The following RBM20 variants were observed in gnomAD, a reference collection of about 807,000 sequenced individuals.
RBM20 encodes the protein RNA binding motif protein 20, also known as RNA-binding protein 20.
In RBM20, 51 loss-of-function variants were observed where a neutral mutation model predicts 110.1. That is an observed-to-expected ratio of 0.46 (90% CI 0.37 to 0.59). The LOEUF (loss-of-function observed/expected upper bound fraction) is 0.59. Ranked by LOEUF, RBM20 falls within the 20% of genes least tolerant of loss-of-function variation. RBM20 has a pLI of 0.00. For synonymous variants in RBM20, 589 were observed against 618.2 expected (o/e 0.95, Z 0.70); for missense variants, 1,512 against 1,574.9 (o/e 0.96, Z 0.68).
chr10:110,779,864 G>T (rs1479268938), intron 1 of RBM20, among the ~76,000 whole-genome samples: 2 of 152,230 alleles, frequency 1.3e-5, no homozygotes, highest in Non-Finnish European at 2.9e-5. Flanking sequence ...GATGTGAAAT[G>T]AGGACAAGGA....
intron 1 of RBM20, among the ~76,000 whole-genome samples, chr10:110,692,438 G>GAA (rs1862599516): frequency 2.6e-5 from 4 of 152,202 alleles, no homozygotes; most frequent in Admixed American, 2.6e-4. Context: ...GCAATGCTTT[G>GAA]TAGTTTTCAG....
intron 1 of RBM20, among the ~76,000 whole-genome samples, chr10:110,703,312 A>T (rs994467302): frequency 4.0e-5 from 6 of 151,700 alleles, no homozygotes; most frequent in Admixed American, 2.0e-4. Context: ...CAGGAGGCGG[A>T]GGTTGCAGTG....
chr10:110,837,938 T>C lies in RBM20; in HGVS notation c.*1960T>C, dbSNP rs1403877577. On this transcript the variant is annotated 3_prime_UTR_variant, in exon 14 of 14. Coordinates refer to ENST00000369519, the MANE Select transcript of RBM20 (RefSeq NM_001134363.3). Reference sequence around the variant, plus strand: ...GTTGGTTTGGACTGAGCTCCTGCAATAGGCCCAACAGACCAAAACAAAAGG... The same window carrying C: ...GTTGGTTTGGACTGAGCTCCTGCAACAGGCCCAACAGACCAAAACAAAAGG... 4 of 152,070 alleles carry C rather than the reference T, an allele frequency of 2.6e-5. No homozygotes were observed. Among genetic ancestry groups the C allele is most frequent in the African/African-American group, 9.7e-5 (4 of 41,372 alleles). The allele number at this position is 152,070 out of a possible 1,614,324, so 9.4% of individuals were successfully genotyped here. A position where few individuals can be genotyped will look rare whatever the true frequency, so the allele number is the denominator to read the frequency against.
intron 1 of RBM20, among the ~76,000 whole-genome samples, chr10:110,647,792 GTTAT>G (rs1488202186): frequency 6.6e-6 from 1 of 152,126 alleles, no homozygotes; most frequent in Non-Finnish European, 1.5e-5. Flanking sequence ...TTTATAAGAA[GTTAT>G]TTATTAACCT....
intron 1 of RBM20, 61 bp from the exon 2 acceptor site, chr10:110,780,740 A>G (rs1736256308): frequency 2.1e-5 from 30 of 1,457,426 alleles, no homozygotes; most frequent in Non-Finnish European, 2.7e-5. Context: ...ATAACAAAGA[A>G]CAGCCCCTTG....
At chr10:110,716,895 T>C (rs1228939676) in intron 1 of RBM20, among the ~76,000 whole-genome samples, 2 of 144,948 alleles carry the variant, frequency 1.4e-5, no homozygotes, top group Admixed American at 1.4e-4. Flanking sequence ...CCCGCCTCAG[T>C]GACACAACTC....
intron 7 of RBM20, among the ~76,000 whole-genome samples, chr10:110,801,971 A>G (rs1461260468): frequency 3.3e-5 from 5 of 152,050 alleles, no homozygotes; most frequent in Non-Finnish European, 5.9e-5. Flanking sequence ...TCATCTGCCC[A>G]TGCTTTTCTT....
At chr10:110,690,129 G>C (rs1451989375) in intron 1 of RBM20, among the ~76,000 whole-genome samples, 3 of 152,094 alleles carry the variant, frequency 2.0e-5, no homozygotes, top group African/African-American at 7.2e-5. Context: ...AATTTGACTA[G>C]GCATGGTGGC....
At chr10:110,743,036 C>T (rs145914250) in intron 1 of RBM20, among the ~76,000 whole-genome samples, 114 of 152,348 alleles carry the variant, frequency 7.5e-4, no homozygotes, top group African/African-American at 2.5e-3. Flanking sequence ...TGGCACGAGC[C>T]ATCACTCTCA....
At chr10:110,761,798 G>A (rs967347662) in intron 1 of RBM20, among the ~76,000 whole-genome samples, 8 of 152,218 alleles carry the variant, frequency 5.3e-5, no homozygotes, top group African/African-American at 1.2e-4. Flanking sequence ...TCCTGGTACC[G>A]GAAGAGACCC....
intron 12 of RBM20, among the ~76,000 whole-genome samples, chr10:110,826,574 ATTC>A (rs200797620): frequency 0.016 from 2,294 of 139,384 alleles, 18 homozygotes; most frequent in South Asian, 0.049. Context: ...AGTCTGTTTC[ATTC>A]TTCTTCTTTT....
chr10:110,797,038 A>G (rs892725012), intron 5 of RBM20, among the ~76,000 whole-genome samples: 4 of 152,238 alleles, frequency 2.6e-5, no homozygotes, highest in Non-Finnish European at 5.9e-5. Flanking sequence ...TTGCTAAAGT[A>G]TATTCTCAAA....
intron 7 of RBM20, among the ~76,000 whole-genome samples, chr10:110,807,688 G>A (rs751820440): frequency 2.6e-4 from 40 of 152,286 alleles, no homozygotes; most frequent in Admixed American, 1.3e-4. Context: ...CTCCCACGTC[G>A]GTCTTTCCTG....
intron 5 of RBM20, 51 bp from the exon 6 acceptor site, chr10:110,797,457 G>A: frequency 1.4e-6 from 2 of 1,474,188 alleles, no homozygotes; most frequent in Non-Finnish European, 1.8e-6. Flanking sequence ...GGAAGAGAGG[G>A]GAAAAGGGAA....
At chr10:110,713,310 C>T (rs1862967292) in intron 1 of RBM20, among the ~76,000 whole-genome samples, 1 of 152,218 alleles carries the variant, frequency 6.6e-6, no homozygotes, top group South Asian at 2.1e-4. Flanking sequence ...GTGCACTAGG[C>T]TTAGCTAGTA....
intron 1 of RBM20, among the ~76,000 whole-genome samples, chr10:110,722,397 T>C (rs1359530194): frequency 5.3e-5 from 8 of 151,622 alleles, no homozygotes; most frequent in African/African-American, 1.9e-4. Flanking sequence ...GTTATTACAG[T>C]TGATGAACCT....
chr10:110,794,606 T>C (rs1006689167), intron 5 of RBM20, among the ~76,000 whole-genome samples: 8 of 152,226 alleles, frequency 5.3e-5, no homozygotes, highest in African/African-American at 1.9e-4. Flanking sequence ...TAGCTCATAA[T>C]TGGAAAGCTC....
chr10:110,672,555 G>T (rs1862277429), intron 1 of RBM20, among the ~76,000 whole-genome samples: 1 of 152,240 alleles, frequency 6.6e-6, no homozygotes, highest in Non-Finnish European at 1.5e-5. Context: ...GGTCTTCCCG[G>T]GTGTTCGCGG....
chr10:110,681,451 A>T lies in RBM20; in HGVS notation c.191+36806A>T, dbSNP rs148914245. On this transcript the variant is annotated intron_variant, in intron 1 of 13. Coordinates refer to ENST00000369519, the MANE Select transcript of RBM20 (RefSeq NM_001134363.3). Reference sequence around the variant, plus strand: ...GTATTTGTAAAGGCAGTATTGGTTGAGGCATGCTCTCTGCTAATCTTTTCT... The same window carrying T: ...GTATTTGTAAAGGCAGTATTGGTTGTGGCATGCTCTCTGCTAATCTTTTCT... 6.6e-5 allele frequency among the ~76,000 whole-genome samples: 10 copies of T among 152,332 alleles called. 1 individual carries two copies. The East Asian group carries it at 1.9e-3, about 29-fold the overall frequency.
Sources: gnomAD v4.1 joint callset for allele counts (sites outside exome capture counted in the v4.1 genomes callset) on GRCh38, gnomAD v4.1.1 for gene constraint, MANE v1.5 for transcripts, NCBI Gene and HGNC (gene_info 2026-07-23, HGNC 2026-07-21) for gene names.